SPRING1: variants seen among roughly 807,000 people sequenced by gnomAD.
The protein encoded by SPRING1 is SREBP regulating gene protein.
In SPRING1, 14 loss-of-function variants were observed where a neutral mutation model predicts 24.7. That is an observed-to-expected ratio of 0.57 (90% CI 0.37 to 0.88). The LOEUF (loss-of-function observed/expected upper bound fraction) is 0.88. Ranked by LOEUF, SPRING1 falls within the 40% of genes least tolerant of loss-of-function variation. The pLI is 0.00. For missense variants in SPRING1, 255 were observed against 268.4 expected (o/e 0.95, Z 0.35); for synonymous variants, 93 against 106.1 (o/e 0.88, Z 0.76).
At chr12:116,734,694 C>T (rs1377077254) in intron 1 of SPRING1, among the ~76,000 whole-genome samples, 1 of 152,074 alleles carries the variant, frequency 6.6e-6, no homozygotes, top group African/African-American at 2.4e-5. Context: ...GACAGATAAG[C>T]AAGTAAATGA....
chr12:116,729,342 A>G (rs1455051367), intron 1 of SPRING1, among the ~76,000 whole-genome samples: 1 of 152,256 alleles, frequency 6.6e-6, no homozygotes, highest in African/African-American at 2.4e-5. Flanking sequence ...ACTAAATACT[A>G]CACCAGAATT....
At position 116,732,247 on chromosome 12, in the gene SPRING1, G is replaced by T. The variant is rs370045611; in HGVS notation, c.111+5543C>A. 1.2e-4 allele frequency among the ~76,000 whole-genome samples: 18 copies of T among 152,280 alleles called. No homozygotes were observed. The South Asian group carries it at 1.2e-3, about 11-fold the overall frequency. ...TATTTCAAGAGAAGCCAGAAGAAAG[G>T]ATTTATATAAAATCTCATACATTTT... is the stretch of plus-strand genomic sequence containing the variant. On this transcript the variant is annotated intron_variant, in intron 1 of 4. Transcript: ENST00000261318.
Position 116,711,041 on chromosome 12 carries a change from C to G in SPRING1, c.*6769G>C, listed in dbSNP as rs2137021417. ...CACACACACACACGCACACACAGAG[C>G]CAATGTATGGAAACATCCCTGAGAA... On this transcript the variant is annotated 3_prime_UTR_variant, in exon 5 of 5. Coordinates refer to ENST00000261318, the MANE Select transcript of SPRING1 (RefSeq NM_024738.4). 1 of 120,710 alleles carries G rather than the reference C, an allele frequency of 8.3e-6. No homozygotes were observed. Among genetic ancestry groups the G allele is most frequent in the South Asian group, 2.8e-4 (1 of 3,558 alleles). The allele number at this position is 120,710 out of a possible 1,614,324, so 7.5% of individuals were successfully genotyped here. A position where few individuals can be genotyped will look rare whatever the true frequency, so the allele number is the denominator to read the frequency against.
intron 2 of SPRING1, among the ~76,000 whole-genome samples, chr12:116,721,972 C>A (rs544806629): frequency 6.6e-6 from 1 of 152,278 alleles, no homozygotes; most frequent in Non-Finnish European, 1.5e-5. Flanking sequence ...TATCAGACAT[C>A]TACTAACTCA....
intron 1 of SPRING1, among the ~76,000 whole-genome samples, chr12:116,737,340 A>T (rs1190520978): frequency 6.6e-6 from 1 of 151,992 alleles, no homozygotes; most frequent in Admixed American, 6.6e-5. Context: ...GGAAGGAAGG[A>T]GGAAGAACGA....
chr12:116,736,112 GA>G (rs35435981), intron 1 of SPRING1, among the ~76,000 whole-genome samples: 102,713 of 135,830 alleles, frequency 0.76, 38,686 homozygotes, highest in Admixed American at 0.84. Flanking sequence ...AAAAAAAATT[GA>G]AAAAAAAAAA....
chr12:116,719,769 T>C lies in SPRING1; in HGVS notation c.528A>G (p.Ser176=), dbSNP rs779249114. ...AGACATCACAGCTTCTGACCTGAGA[T>C]GAGGTCCTGCATTTGGCCAGGCACA... ...FELCLAKCRT[S]SQSVQHENTY... Residue 176 remains serine (S), a synonymous_variant, in exon 4 of 5, where the codon TCA becomes TCG. Coordinates refer to ENST00000261318, the MANE Select transcript of SPRING1 (RefSeq NM_024738.4). The C allele has an allele frequency of 1.2e-6, 2 of 1,613,826 alleles. No homozygotes were observed. The highest frequency in any genetic ancestry group is 1.7e-6 in the Non-Finnish European group (2 of 1,179,736).
intron 2 of SPRING1, among the ~76,000 whole-genome samples, chr12:116,722,825 T>C (rs1220153356): frequency 6.6e-6 from 1 of 152,172 alleles, no homozygotes; most frequent in Non-Finnish European, 1.5e-5. Flanking sequence ...ACAGTGCTCA[T>C]GTTGTAAGTT....
At chr12:116,721,117 C>T (rs1211886488) in intron 2 of SPRING1, among the ~76,000 whole-genome samples, 2 of 152,182 alleles carry the variant, frequency 1.3e-5, no homozygotes, top group Admixed American at 6.5e-5. Flanking sequence ...CATCTATATA[C>T]ACATGCCCCT....
Position 116,721,460 on chromosome 12 carries a change from T to C in SPRING1, c.269-1013A>G, listed in dbSNP as rs1870431956. Among the ~76,000 whole-genome samples, 4 of 152,222 alleles carry C rather than the reference T, an allele frequency of 2.6e-5. No individual in the cohort carries two copies. In the South Asian group the frequency reaches 8.3e-4, roughly 32 times the overall value. On this transcript the variant is annotated intron_variant, in intron 2 of 4. Coordinates refer to ENST00000261318, the MANE Select transcript of SPRING1 (RefSeq NM_024738.4). ...AAACTACTTTAGAAAACAAAGTCTG[T>C]TCAAAAGCAGGAGGCACCAGTAGAA...
chr12:116,717,994 C>T lies in SPRING1; in HGVS notation c.535-101G>A. ...GTGGATCGGGACTGTCAGACTCTCC[C>T]TGCAGGGGGCTGGCCGAGTCCATCT... On this transcript the variant is annotated intron_variant, in intron 4 of 4. Coordinates refer to ENST00000261318, the MANE Select transcript of SPRING1 (RefSeq NM_024738.4). The surrounding 1 kb of genome is among the most constrained non-coding windows in gnomAD (Gnocchi z 4.2). 1.0e-6 allele frequency: 1 copy of T among 979,590 alleles called. No homozygotes were observed. Among genetic ancestry groups the T allele is most frequent in the Non-Finnish European group, 1.4e-6 (1 of 699,750 alleles). 60.7% of individuals were successfully genotyped at this position (979,590 alleles called of 1,614,324 possible). A position where few individuals can be genotyped will look rare whatever the true frequency, so the allele number is the denominator to read the frequency against.
At position 116,711,489 on chromosome 12, in the gene SPRING1, C is replaced by G. The variant is rs545081076; in HGVS notation, c.*6321G>C. Reference sequence around the variant, plus strand: ...GGCAGAGCTTGCAGCGAGCCCAGATCGTGCCACTGCACTCCAGCCTGGGCG... The same window carrying G: ...GGCAGAGCTTGCAGCGAGCCCAGATGGTGCCACTGCACTCCAGCCTGGGCG... On this transcript the variant is annotated 3_prime_UTR_variant, in exon 5 of 5. Coordinates refer to ENST00000261318, the MANE Select transcript of SPRING1 (RefSeq NM_024738.4). 3 of 152,064 alleles carry G rather than the reference C, an allele frequency of 2.0e-5. No individual in the cohort carries two copies. The South Asian group carries it at 6.2e-4, about 32-fold the overall frequency. The allele number at this position is 152,064 out of a possible 1,614,324, so 9.4% of individuals were successfully genotyped here. A position where few individuals can be genotyped will look rare whatever the true frequency, so the allele number is the denominator to read the frequency against.
intron 1 of SPRING1, among the ~76,000 whole-genome samples, chr12:116,730,180 G>A (rs537021607): frequency 1.1e-3 from 157 of 147,532 alleles, no homozygotes; most frequent in African/African-American, 3.6e-3. Flanking sequence ...GATTACAGGC[G>A]TGAGCCACCA....
Position 116,715,024 on chromosome 12 carries a change from CACTTATT to C in SPRING1, c.*2779_*2785del, listed in dbSNP as rs1275913762. On this transcript the variant is annotated 3_prime_UTR_variant, in exon 5 of 5. Transcript: ENST00000261318. ...TCAATTCCCTTGAGCCGAAAACACT[CACTTATT>C]AACAATATTTTTTTCTTTTTTTTGA... is the stretch of plus-strand genomic sequence containing the variant. 4.6e-5 allele frequency: 7 copies of C among 152,180 alleles called. No homozygotes were observed. Among genetic ancestry groups the C allele is most frequent in the South Asian group, 2.1e-4 (1 of 4,824 alleles). The allele number at this position is 152,180 out of a possible 1,614,324, so 9.4% of individuals were successfully genotyped here. A position where few individuals can be genotyped will look rare whatever the true frequency, so the allele number is the denominator to read the frequency against.
chr12:116,732,195 T>G (rs770165092), intron 1 of SPRING1, among the ~76,000 whole-genome samples: 4 of 152,174 alleles, frequency 2.6e-5, no homozygotes, highest in Admixed American at 6.5e-5. Context: ...GGAGCAGACA[T>G]AGACCCAGTG....
intron 4 of SPRING1, among the ~76,000 whole-genome samples, 175 bp from the exon 5 acceptor site, chr12:116,718,068 G>A (rs1326997132): frequency 6.6e-6 from 1 of 152,214 alleles, no homozygotes; most frequent in African/African-American, 2.4e-5. Flanking sequence ...AAAGAAGAAT[G>A]CTCAACCCAG....
chr12:116,734,956 GAGA>G (rs975264549), intron 1 of SPRING1, among the ~76,000 whole-genome samples: 3 of 152,220 alleles, frequency 2.0e-5, no homozygotes, highest in Admixed American at 6.5e-5. Flanking sequence ...CTGCGGGGAA[GAGA>G]AGAAGACAAG....
chr12:116,737,942 C>T lies in SPRING1; in HGVS notation c.-42G>A, dbSNP rs1013082275. The T allele has an allele frequency of 3.5e-5, 48 of 1,374,534 alleles. No homozygotes were observed. Among genetic ancestry groups the T allele is most frequent in the Non-Finnish European group, 4.5e-5 (48 of 1,062,174 alleles). 85.1% of individuals were successfully genotyped at this position (1,374,534 alleles called of 1,614,324 possible). ...GGCGCGGCGGCCGGGGCGCGGAACG[C>T]GGCAGGCCCGGGTCCCGGGCGGCAT... On this transcript the variant is annotated 5_prime_UTR_variant, in exon 1 of 5. Transcript: ENST00000261318.
rs750405591 is a variant in SPRING1 at position 116,738,003 on chromosome 12, C to G, written c.-103G>C. The G allele has an allele frequency of 4.4e-6, 5 of 1,140,678 alleles. No individual in the cohort carries two copies. The highest frequency in any genetic ancestry group is 9.8e-5 in the East Asian group (2 of 20,386). 70.7% of individuals were successfully genotyped at this position (1,140,678 alleles called of 1,614,324 possible). A position where few individuals can be genotyped will look rare whatever the true frequency, so the allele number is the denominator to read the frequency against. On this transcript the variant is annotated 5_prime_UTR_variant, in exon 1 of 5. Coordinates refer to ENST00000261318, the MANE Select transcript of SPRING1 (RefSeq NM_024738.4). ...CGCCCGGCAGCCCCATCCCTCCAGG[C>G]AGGCGCCGGCCCCGCCGCCCGCAGC...
Sources: gnomAD v4.1 joint callset for allele counts (sites outside exome capture counted in the v4.1 genomes callset) on GRCh38, gnomAD v4.1.1 for gene constraint, Gnocchi (gnomAD v3.1) non-coding constraint, MANE v1.5 for transcripts, NCBI Gene and HGNC (gene_info 2026-07-23, HGNC 2026-07-21) for gene names.